The following LMO7 variants were observed in gnomAD, a reference collection of about 807,000 sequenced individuals.
LMO7 encodes the protein LIM domain only protein 7.
In LMO7, 120 loss-of-function variants were observed where a neutral mutation model predicts 206.5. That is an observed-to-expected ratio of 0.58 (90% CI 0.50 to 0.68). The LOEUF (loss-of-function observed/expected upper bound fraction) is 0.68. Ranked by LOEUF, LMO7 falls within the 30% of genes least tolerant of loss-of-function variation. LMO7 has a pLI of 0.00. For synonymous variants in LMO7, 706 were observed against 681.5 expected (o/e 1.04, Z -0.56); for missense variants, 1,959 against 1,957.9 (o/e 1.00, Z -0.01).
At chr13:75,725,420 A>G (rs758701158) in intron 2 of LMO7, among the ~76,000 whole-genome samples, 23 of 152,100 alleles carry the variant, frequency 1.5e-4, no homozygotes, top group African/African-American at 4.6e-4. Flanking sequence ...AACTGCAAAT[A>G]ATTTCTTGAT....
chr13:75,638,273 T>G (rs1416368122), intron 1 of LMO7, among the ~76,000 whole-genome samples: 1 of 152,148 alleles, frequency 6.6e-6, no homozygotes, highest in African/African-American at 2.4e-5. Context: ...CTTCCCTTTT[T>G]TTTTAGTATG....
chr13:75,716,783 TTCC>T (rs1440219154), intron 2 of LMO7, among the ~76,000 whole-genome samples: 2 of 152,214 alleles, frequency 1.3e-5, no homozygotes, highest in African/African-American at 4.8e-5. Flanking sequence ...AGCAGAATTA[TTCC>T]TCCTTTCCAA....
upstream of LMO7, among the ~76,000 whole-genome samples, chr13:75,632,862 GTTTT>G (rs10690832): frequency 2.9e-5 from 3 of 102,138 alleles, no homozygotes; most frequent in African/African-American, 1.2e-4. Context: ...TTACTTAAAA[GTTTT>G]TTTTTTTTTT....
chr13:75,636,852 AGCT>A (rs1446054139), intron 1 of LMO7, 126 bp downstream of exon 1: 1 of 936,302 alleles, frequency 1.1e-6, no homozygotes, highest in Non-Finnish European at 1.7e-6. Context: ...GACGTGAACA[AGCT>A]GGTTTGCTTG....
intron 1 of LMO7, among the ~76,000 whole-genome samples, chr13:75,700,691 G>T (rs565530272): frequency 1.5e-4 from 23 of 152,176 alleles, no homozygotes; most frequent in Non-Finnish European, 2.6e-4. Context: ...GTCAACAGCC[G>T]ATCTGCAAAC....
chr13:75,710,697 G>A (rs1259714076), intron 1 of LMO7, among the ~76,000 whole-genome samples: 1 of 151,872 alleles, frequency 6.6e-6, no homozygotes, highest in African/African-American at 2.4e-5. Context: ...GGAGATTTTG[G>A]GCTGAGATGA....
chr13:75,805,121 G>T, intron 8 of LMO7: 1 of 1,044,032 alleles, frequency 9.6e-7, no homozygotes, highest in Non-Finnish European at 1.2e-6. Flanking sequence ...CTGCTGATAT[G>T]TTTGCCATGG....
chr13:75,781,821 A>G (rs1426440376), intron 4 of LMO7, among the ~76,000 whole-genome samples: 2 of 152,162 alleles, frequency 1.3e-5, no homozygotes, highest in Non-Finnish European at 2.9e-5. Context: ...TTGCCATTCT[A>G]ACTGGTGTGA....
intron 30 of LMO7, chr13:75,857,177 A>C (rs2061028517): frequency 6.6e-6 from 1 of 152,346 alleles, no homozygotes; most frequent in Non-Finnish European, 1.5e-5. Context: ...TTTTCAAAAA[A>C]CTTCAAATGC....
At chr13:75,681,816 A>G (rs1409091044) in intron 1 of LMO7, among the ~76,000 whole-genome samples, 1 of 149,130 alleles carries the variant, frequency 6.7e-6, no homozygotes, top group East Asian at 2.0e-4. Flanking sequence ...TTTGAGACAT[A>G]TCCGTACTGT....
At chr13:75,776,630 T>G (rs546189892) in intron 4 of LMO7, among the ~76,000 whole-genome samples, 1 of 152,180 alleles carries the variant, frequency 6.6e-6, no homozygotes, top group Non-Finnish European at 1.5e-5. Context: ...GAGATAAATA[T>G]AGTGTAAAAA....
At chr13:75,735,084 C>A (rs934286230) in intron 3 of LMO7, among the ~76,000 whole-genome samples, 2 of 144,938 alleles carry the variant, frequency 1.4e-5, no homozygotes, top group Non-Finnish European at 3.0e-5. Context: ...TGCGACAGAG[C>A]GAGACTCCGT....
chr13:75,736,399 C>A (rs2045823701), intron 3 of LMO7, among the ~76,000 whole-genome samples: 1 of 152,134 alleles, frequency 6.6e-6, no homozygotes, highest in Non-Finnish European at 1.5e-5. Context: ...AGCCTTAATT[C>A]CAAGTATGAA....
intron 1 of LMO7, among the ~76,000 whole-genome samples, chr13:75,691,401 A>T (rs113699341): frequency 3.0e-4 from 46 of 152,320 alleles, no homozygotes; most frequent in African/African-American, 1.1e-3. Flanking sequence ...GCCTGACTTA[A>T]CAGTAAACAA....
chr13:75,692,777 G>T (rs556471769), intron 1 of LMO7, among the ~76,000 whole-genome samples: 1 of 152,300 alleles, frequency 6.6e-6, no homozygotes, highest in East Asian at 1.9e-4. Flanking sequence ...CTCAGTCAAT[G>T]TCTTCCTGAA....
chr13:75,844,415 C>T (rs79895357), intron 25 of LMO7, among the ~76,000 whole-genome samples: 5,479 of 142,708 alleles, frequency 0.038, 117 homozygotes, highest in Non-Finnish European at 0.054. Flanking sequence ...TTGTTTTTTT[C>T]TTTTTTTTTT....
At chr13:75,785,487 T>A (rs940372694) in intron 4 of LMO7, among the ~76,000 whole-genome samples, 15 of 152,284 alleles carry the variant, frequency 9.9e-5, no homozygotes, top group Admixed American at 3.3e-4. Context: ...ATTATTATAT[T>A]ACATAATTAA....
intron 6 of LMO7, among the ~76,000 whole-genome samples, chr13:75,798,079 C>A (rs1424861553): frequency 1.3e-5 from 2 of 152,098 alleles, no homozygotes; most frequent in Admixed American, 1.3e-4. Context: ...TGATTAAAAC[C>A]TATGTGGGGG....
chr13:75,635,431 GC>G (rs1391353078), upstream of LMO7, among the ~76,000 whole-genome samples: 1 of 146,522 alleles, frequency 6.8e-6, no homozygotes, highest in Non-Finnish European at 1.5e-5. Context: ...TGTGCCTCCC[GC>G]CCCGCCCCCA....
Sources: allele counts gnomAD v4.1 joint callset (sites outside exome capture counted in the v4.1 genomes callset), GRCh38; gene constraint gnomAD v4.1.1; transcripts MANE v1.5; gene names NCBI Gene and HGNC (gene_info 2026-07-23, HGNC 2026-07-21).